Variants in COMMD7 observed in about 807,000 individuals in gnomAD.
The protein encoded by COMMD7 is COMM domain containing 7, also known as COMM domain-containing protein 7.
In COMMD7, 28 loss-of-function variants were observed where a neutral mutation model predicts 34.8. The observed-to-expected ratio is 0.80, with a 90% CI of 0.60 to 1.10. The LOEUF (loss-of-function observed/expected upper bound fraction) is 1.10. Among genes scored for constraint, COMMD7 ranks in the 50% least tolerant of loss-of-function variants. The probability of loss-of-function intolerance (pLI) is 0.00; values close to 1 mark genes in which losing one functional copy is unlikely to be tolerated. For synonymous variants in COMMD7, 80 were observed against 86.4 expected, an observed-to-expected ratio of 0.93 and a Z score of 0.41; for missense variants, 211 against 241.6, an observed-to-expected ratio of 0.87 and a Z score of 0.84.
Position 32,743,405 on chromosome 20 carries a change from G to A in COMMD7, c.-14C>T, listed in dbSNP as rs1601016797. On this transcript the variant is annotated 5_prime_UTR_variant, in exon 1 of 9. Coordinates refer to ENST00000278980, the MANE Select transcript of COMMD7 (RefSeq NM_053041.3). The stretch of plus-strand genomic sequence containing the variant: ...CAGGCGGCCCATGGCGCGCGCCCCA[G>A]CCCCGCAGGTTCCACCGCCGCCGCC... The A allele has an allele frequency of 1.5e-6, 2 of 1,347,142 alleles. No homozygotes were observed. The highest frequency in any genetic ancestry group is 1.9e-6 in the Non-Finnish European group (2 of 1,056,030). 83.4% of individuals were successfully genotyped at this position (1,347,142 alleles called of 1,614,324 possible).
chr20:32,707,351 G>A lies in COMMD7; in HGVS notation c.242-591C>T, dbSNP rs537561517. On this transcript the variant is annotated intron_variant, in intron 3 of 8. Transcript: ENST00000278980. ...TATATATTTTTTGAGACGGAGTCTCGCTCTGTTGCCCAGGCTGGAGTGCAG... is the reference window on the plus strand; with the variant it reads ...TATATATTTTTTGAGACGGAGTCTCACTCTGTTGCCCAGGCTGGAGTGCAG... Among the ~76,000 whole-genome samples, 5 of 135,338 alleles carry A rather than the reference G, an allele frequency of 3.7e-5. No homozygotes were observed. In the East Asian group the frequency reaches 9.0e-4, roughly 24 times the overall value. The allele number at this position is 135,338 out of a possible 152,430, so 88.8% of individuals were successfully genotyped here.
rs146665267 is a variant in COMMD7 at position 32,705,591 on chromosome 20, T to C, written c.337-687A>G. ...GGTTTCACCATGTTAGGCAGGATGA[T>C]CTCGATCTCCTGACCTCGTGATCCG... On this transcript the variant is annotated intron_variant, in intron 5 of 8. Transcript: ENST00000278980. Among the ~76,000 whole-genome samples, 933 of 152,062 alleles carry C rather than the reference T, an allele frequency of 6.1e-3. 46 individuals are homozygous for C. The East Asian group carries it at 0.11, about 18-fold the overall frequency.
intron 3 of COMMD7, among the ~76,000 whole-genome samples, chr20:32,725,585 C>A (rs1773593901): frequency 6.6e-6 from 1 of 151,968 alleles, no homozygotes. Context: ...CCAGCCACCA[C>A]ACCCGGCTAA....
At chr20:32,711,433 G>GA (rs1375945157) in intron 3 of COMMD7, among the ~76,000 whole-genome samples, 1 of 149,614 alleles carries the variant, frequency 6.7e-6, no homozygotes, top group Non-Finnish European at 1.5e-5. Flanking sequence ...AAAAAAAAAG[G>GA]AAACAGTTAA....
chr20:32,710,605 T>C (rs1036055741), intron 3 of COMMD7, among the ~76,000 whole-genome samples: 2 of 151,916 alleles, frequency 1.3e-5, no homozygotes, highest in Non-Finnish European at 2.9e-5. Context: ...GGCACAGGCC[T>C]GTGGTCCCAG....
In COMMD7 at chr20:32,730,080, A is replaced by G. The variant is rs1600998600; in HGVS notation, c.85-1938T>C. On this transcript the variant is annotated intron_variant, in intron 1 of 8. Transcript: ENST00000278980. ...GTCTATGATATTTTGCCTTAACAAA[A>G]TACCAGCTGCCCAGGTATTTTGTTA... 2.6e-5 allele frequency among the ~76,000 whole-genome samples: 4 copies of G among 152,296 alleles called. No homozygotes were observed. The Middle Eastern group carries it at 0.014, about 518-fold the overall frequency.
intron 3 of COMMD7, among the ~76,000 whole-genome samples, chr20:32,719,822 C>T (rs113088186): frequency 8.6e-4 from 131 of 152,164 alleles, no homozygotes; most frequent in African/African-American, 2.9e-3. Flanking sequence ...AACAGCCTGG[C>T]ACAGTAACAT....
intron 1 of COMMD7, among the ~76,000 whole-genome samples, chr20:32,736,960 C>A (rs371520842): frequency 6.6e-6 from 1 of 151,960 alleles, no homozygotes; most frequent in East Asian, 1.9e-4. Flanking sequence ...GCAGGTGGAT[C>A]ACCTAAGGTC....
chr20:32,709,529 G>A (rs968215037), intron 3 of COMMD7, among the ~76,000 whole-genome samples: 16 of 152,160 alleles, frequency 1.1e-4, no homozygotes, highest in African/African-American at 3.6e-4. Context: ...AAGCCTGGGC[G>A]ACAGAGCGAG....
rs1319676750 is a variant in COMMD7, at chr20:32,724,920, C to T, written c.241+2973G>A. 5.7e-3 allele frequency among the ~76,000 whole-genome samples: 164 copies of T among 28,944 alleles called. 49 individuals are homozygous for T. Among genetic ancestry groups the T allele is most frequent in the Non-Finnish European group, 0.01 (132 of 13,098 alleles). The allele number at this position is 28,944 out of a possible 152,430, so 19.0% of individuals were successfully genotyped here. ...CTGCCAAATCCCCCTCTGTGAGAAA[C>T]ACCCAAGAATTATCAATAAAAAAAT... On this transcript the variant is annotated intron_variant, in intron 3 of 8. Coordinates refer to ENST00000278980, the MANE Select transcript of COMMD7 (RefSeq NM_053041.3).
intron 2 of COMMD7, 46 bp downstream of exon 2, chr20:32,728,043 C>T: frequency 6.2e-7 from 1 of 1,610,880 alleles, no homozygotes; most frequent in Non-Finnish European, 8.5e-7. Flanking sequence ...TTCTAAGCAT[C>T]TCAGGGAGCA....
At chr20:32,717,663 T>C (rs1023132406) in intron 3 of COMMD7, among the ~76,000 whole-genome samples, 1 of 152,042 alleles carries the variant, frequency 6.6e-6, no homozygotes, top group Non-Finnish European at 1.5e-5. Flanking sequence ...TGTCTCATTA[T>C]GTTGCCCAGG....
At chr20:32,743,199 C>G (rs1568801258) in intron 1 of COMMD7, 109 bp downstream of exon 1, 4 of 916,300 alleles carry the variant, frequency 4.4e-6, no homozygotes, top group Non-Finnish European at 6.2e-6. Context: ...AGACGCCGCT[C>G]TGTCTAGTCT....
intron 1 of COMMD7, among the ~76,000 whole-genome samples, chr20:32,738,828 T>C (rs1022233634): frequency 3.9e-5 from 6 of 152,006 alleles, no homozygotes; most frequent in Admixed American, 6.6e-5. Context: ...AATTTCTGAC[T>C]CAAGTGATCC....
chr20:32,713,321 A>T (rs1984583918), intron 3 of COMMD7, among the ~76,000 whole-genome samples: 2 of 152,208 alleles, frequency 1.3e-5, no homozygotes, highest in Non-Finnish European at 2.9e-5. Context: ...AAGTGCTGGG[A>T]CTACAGGCGT....
chr20:32,735,363 G>C (rs1428192294), intron 1 of COMMD7, among the ~76,000 whole-genome samples: 2 of 151,920 alleles, frequency 1.3e-5, no homozygotes, highest in African/African-American at 4.8e-5. Flanking sequence ...TGTCACCCAG[G>C]CTGGAGTGCA....
rs11484216 is a variant in COMMD7 at position 32,718,780 on chromosome 20, C to CAA, written c.241+9111_241+9112dup. Among the ~76,000 whole-genome samples, 2 of 128,570 alleles carry CAA rather than the reference C, an allele frequency of 1.6e-5. 1 individual carries two copies. Among genetic ancestry groups the CAA allele is most frequent in the African/African-American group, 5.7e-5 (2 of 35,266 alleles). The allele number at this position is 128,570 out of a possible 152,430, so 84.3% of individuals were successfully genotyped here. A position where few individuals can be genotyped will look rare whatever the true frequency, so the allele number is the denominator to read the frequency against. ...AGCTTTTACTTGACTCTCCCCCTGCCAAAAAAAAAAAAAGAAACCAAAAAG... is the reference window on the plus strand; with the variant it reads ...AGCTTTTACTTGACTCTCCCCCTGCCAAAAAAAAAAAAAAAGAAACCAAAAAG... On this transcript the variant is annotated intron_variant, in intron 3 of 8. Transcript: ENST00000278980.
intron 1 of COMMD7, among the ~76,000 whole-genome samples, chr20:32,740,234 G>A (rs1601012045): frequency 6.9e-6 from 1 of 145,438 alleles, no homozygotes; most frequent in African/African-American, 2.6e-5. Flanking sequence ...GGAAAATGGC[G>A]TGAACCCGGG....
intron 1 of COMMD7, among the ~76,000 whole-genome samples, chr20:32,736,610 C>T (rs1986140456): frequency 6.6e-6 from 1 of 152,030 alleles, no homozygotes; most frequent in African/African-American, 2.4e-5. Context: ...GCAGAGGTTG[C>T]AGTGAGCTGA....
Sources: gnomAD v4.1 joint callset for allele counts (sites outside exome capture counted in the v4.1 genomes callset) on GRCh38, gnomAD v4.1.1 for gene constraint, MANE v1.5 for transcripts, NCBI Gene and HGNC (gene_info 2026-07-23, HGNC 2026-07-21) for gene names.